Variants in NSMCE2 observed in about 807,000 individuals in gnomAD.
NSMCE2 encodes the protein NSE2 SUMO ligase component of SMC5/6 complex, also known as E3 SUMO-protein ligase NSE2.
A neutral mutation model predicts 23.8 loss-of-function variants in NSMCE2; 24 were observed. The ratio of observed to expected loss-of-function variants is 1.01; its 90% CI spans 0.73 to 1.42. The LOEUF is 1.42. Ranked by LOEUF, NSMCE2 falls within the 40% of genes most tolerant of loss-of-function variation. The pLI, the probability that NSMCE2 is intolerant of heterozygous loss-of-function variation, is 0.00. For missense variants in NSMCE2, 284 were observed against 296.5 expected (o/e 0.96, Z 0.31); for synonymous variants, 92 against 94.1 (o/e 0.98, Z 0.13).
Position 125,241,142 on chromosome 8 carries a change from C to T in NSMCE2, c.418+58886C>T, listed in dbSNP as rs181774593. On this transcript the variant is annotated intron_variant, in intron 5 of 7. Coordinates refer to ENST00000287437, the MANE Select transcript of NSMCE2 (RefSeq NM_173685.4). ...CTCCAATGAGCATTTCCTTTGAGCACGAGGTCAGTCCTCAAAAAGCTTTGA... is the reference window on the plus strand; with the variant it reads ...CTCCAATGAGCATTTCCTTTGAGCATGAGGTCAGTCCTCAAAAAGCTTTGA... 1.4e-3 allele frequency among the ~76,000 whole-genome samples: 220 copies of T among 152,234 alleles called. 7 individuals are homozygous for T. The highest frequency in any genetic ancestry group is 0.014 in the Admixed American group (217 of 15,302).
chr8:125,366,177 A>G (rs768885840), intron 7 of NSMCE2, among the ~76,000 whole-genome samples: 12 of 152,188 alleles, frequency 7.9e-5, no homozygotes, highest in African/African-American at 1.2e-4. Flanking sequence ...CTCATAGCCC[A>G]TAAGGTGACC....
intron 5 of NSMCE2, among the ~76,000 whole-genome samples, chr8:125,324,413 C>T (rs1370920916): frequency 6.6e-6 from 1 of 150,762 alleles, no homozygotes; most frequent in Non-Finnish European, 1.5e-5. Flanking sequence ...GCCCAATATC[C>T]CGTAACTGAT....
intron 5 of NSMCE2, among the ~76,000 whole-genome samples, chr8:125,215,192 T>G (rs1248881981): frequency 1.1e-5 from 1 of 91,206 alleles, no homozygotes; most frequent in Non-Finnish European, 2.2e-5. Context: ...CCCTCCCCCC[T>G]CCCCCTACCC....
At chr8:125,184,383 A>C (rs1822974844) in intron 5 of NSMCE2, among the ~76,000 whole-genome samples, 1 of 152,164 alleles carries the variant, frequency 6.6e-6, no homozygotes, top group Non-Finnish European at 1.5e-5. Context: ...TGGAAAAAGA[A>C]AGAAAATGTT....
chr8:125,295,292 C>A (rs1828277737), intron 5 of NSMCE2, among the ~76,000 whole-genome samples: 1 of 152,104 alleles, frequency 6.6e-6, no homozygotes, highest in African/African-American at 2.4e-5. Context: ...GAAAATGACA[C>A]AGGGCTTGGA....
intron 5 of NSMCE2, among the ~76,000 whole-genome samples, chr8:125,232,006 A>G (rs953172648): frequency 1.3e-5 from 2 of 152,236 alleles, no homozygotes; most frequent in African/African-American, 4.8e-5. Flanking sequence ...TTTTTCATAA[A>G]TTAGAATATC....
At chr8:125,362,252 T>G (rs550942937) in intron 7 of NSMCE2, among the ~76,000 whole-genome samples, 1 of 152,360 alleles carries the variant, frequency 6.6e-6, no homozygotes, top group African/African-American at 2.4e-5. Flanking sequence ...GAGGCATGCC[T>G]TGATTCAGCA....
chr8:125,170,376 CTTTTTTTTTTTTTTTTTTTTTT>C (rs565593006), intron 4 of NSMCE2, among the ~76,000 whole-genome samples: 23 of 37,836 alleles, frequency 6.1e-4, no homozygotes, highest in South Asian at 5.7e-3. Context: ...CTCTTTATTT[CTTTTTTTTTTTTTTTTTTTTTT>C]TTTTTTTTTT....
At chr8:125,306,440 A>C (rs1048778916) in intron 5 of NSMCE2, among the ~76,000 whole-genome samples, 16 of 149,892 alleles carry the variant, frequency 1.1e-4, no homozygotes, top group Admixed American at 4.7e-4. Context: ...AAATTTCTCT[A>C]TCTCTCTCTC....
At chr8:125,098,368 A>G (rs914749131) in intron 1 of NSMCE2, among the ~76,000 whole-genome samples, 3 of 152,292 alleles carry the variant, frequency 2.0e-5, no homozygotes, top group South Asian at 2.1e-4. Flanking sequence ...TTGGAGAACC[A>G]CTATTGTCAG....
At chr8:125,288,262 C>A (rs1436914355) in intron 5 of NSMCE2, among the ~76,000 whole-genome samples, 1 of 152,230 alleles carries the variant, frequency 6.6e-6, no homozygotes, top group Non-Finnish European at 1.5e-5. Context: ...ATAATCCTGT[C>A]CTTACTGCTT....
intron 5 of NSMCE2, among the ~76,000 whole-genome samples, chr8:125,236,545 T>A (rs1004728706): frequency 3.9e-5 from 6 of 152,074 alleles, no homozygotes. Flanking sequence ...GTGTGTTTCA[T>A]ATACTTAGAA....
intron 3 of NSMCE2, among the ~76,000 whole-genome samples, chr8:125,128,631 A>G (rs1819618845): frequency 6.6e-6 from 1 of 152,226 alleles, no homozygotes; most frequent in African/African-American, 2.4e-5. Context: ...GCTAAAAGCA[A>G]AGTGTGGCAG....
intron 3 of NSMCE2, among the ~76,000 whole-genome samples, chr8:125,114,172 C>T (rs1200471428): frequency 6.6e-6 from 1 of 152,108 alleles, no homozygotes; most frequent in Non-Finnish European, 1.5e-5. Flanking sequence ...TTACCCCTTT[C>T]TCTGCTTTAT....
chr8:125,179,110 G>C (rs988875762), intron 4 of NSMCE2, among the ~76,000 whole-genome samples: 1 of 152,112 alleles, frequency 6.6e-6, no homozygotes, highest in African/African-American at 2.4e-5. Flanking sequence ...TGTTATTGCA[G>C]CCCTAGTAAA....
chr8:125,316,771 C>T (rs1402298304), intron 5 of NSMCE2, among the ~76,000 whole-genome samples: 1 of 140,170 alleles, frequency 7.1e-6, no homozygotes, highest in Non-Finnish European at 1.5e-5. Context: ...TTCCTTCCTT[C>T]TCTCTCTCTC....
intron 7 of NSMCE2, among the ~76,000 whole-genome samples, 160 bp from the exon 8 acceptor site, chr8:125,366,608 C>T (rs1447683695): frequency 6.6e-6 from 1 of 152,190 alleles, no homozygotes; most frequent in East Asian, 1.9e-4. Flanking sequence ...GGGCCTGGCT[C>T]AGGTAGGGAC....
intron 3 of NSMCE2, among the ~76,000 whole-genome samples, chr8:125,103,814 A>T (rs1229624165): frequency 6.6e-6 from 1 of 151,720 alleles, no homozygotes; most frequent in East Asian, 1.9e-4. Flanking sequence ...AAGACATAAC[A>T]AAGAATTAAG....
intron 3 of NSMCE2, among the ~76,000 whole-genome samples, chr8:125,128,630 A>G (rs1226029204): frequency 6.6e-6 from 1 of 152,222 alleles, no homozygotes; most frequent in Non-Finnish European, 1.5e-5. Flanking sequence ...GGCTAAAAGC[A>G]AAGTGTGGCA....
Sources: gnomAD v4.1 joint callset for allele counts (sites outside exome capture counted in the v4.1 genomes callset) on GRCh38, gnomAD v4.1.1 for gene constraint, MANE v1.5 for transcripts, NCBI Gene and HGNC (gene_info 2026-07-23, HGNC 2026-07-21) for gene names.